Variants in HHAT observed in about 807,000 individuals in gnomAD.
HHAT encodes the protein hedgehog acyltransferase, also known as protein-cysteine N-palmitoyltransferase HHAT.
A neutral mutation model predicts 70.8 loss-of-function variants in HHAT; 47 were observed. That is an observed-to-expected ratio of 0.66 (90% CI 0.53 to 0.85). The LOEUF is 0.85. HHAT is among the 40% of genes least tolerant of loss of function. The probability of loss-of-function intolerance (pLI) is 0.00; values close to 1 mark genes in which losing one functional copy is unlikely to be tolerated. For synonymous variants in HHAT, 228 were observed against 247.6 expected (o/e 0.92, Z 0.74); for missense variants, 609 against 604.8 (o/e 1.01, Z -0.07).
chr1:210,488,761 T>C (rs1053513416), intron 8 of HHAT, among the ~76,000 whole-genome samples: 1 of 151,466 alleles, frequency 6.6e-6, no homozygotes, highest in African/African-American at 2.4e-5. Flanking sequence ...AGCTTGGTGG[T>C]ACACACCTGT....
intron 10 of HHAT, among the ~76,000 whole-genome samples, chr1:210,595,011 A>G (rs1029721846): frequency 5.9e-5 from 9 of 152,034 alleles, no homozygotes; most frequent in African/African-American, 9.7e-5. Flanking sequence ...CATGTGCACA[A>G]CGTGCAGGTT....
intron 11 of HHAT, among the ~76,000 whole-genome samples, chr1:210,635,879 G>T (rs542805224): frequency 2.8e-4 from 43 of 152,224 alleles, no homozygotes; most frequent in Admixed American, 7.8e-4. Flanking sequence ...CTTATTCCAC[G>T]TACTACCTGA....
intron 3 of HHAT, among the ~76,000 whole-genome samples, chr1:210,370,523 TAGAAG>T (rs2089468727): frequency 2.0e-5 from 3 of 151,108 alleles, no homozygotes; most frequent in South Asian, 2.1e-4. Flanking sequence ...AACTACTAGA[TAGAAG>T]AGAGAGAGAA....
intron 6 of HHAT, among the ~76,000 whole-genome samples, chr1:210,408,309 A>G (rs895081225): frequency 2.6e-5 from 4 of 152,074 alleles, no homozygotes; most frequent in Non-Finnish European, 4.4e-5. Flanking sequence ...CAGCCTCCCA[A>G]GTAGCTGGAA....
chr1:210,414,600 G>T (rs1238787207), intron 6 of HHAT, among the ~76,000 whole-genome samples: 1 of 152,156 alleles, frequency 6.6e-6, no homozygotes, highest in East Asian at 1.9e-4. Context: ...AAGTTCTGAT[G>T]CCAGGCATTT....
intron 11 of HHAT, among the ~76,000 whole-genome samples, chr1:210,631,702 C>A (rs560076965): frequency 6.6e-6 from 1 of 152,148 alleles, no homozygotes; most frequent in Non-Finnish European, 1.5e-5. Context: ...GTAAGGGCGG[C>A]GCTGGAAATG....
intron 2 of HHAT, among the ~76,000 whole-genome samples, chr1:210,349,652 C>CTTTTTT (rs34752131): frequency 7.4e-6 from 1 of 135,912 alleles, no homozygotes; most frequent in Non-Finnish European, 1.6e-5. Context: ...CTACCTAAAA[C>CTTTTTT]TTTTTTTTTT....
intron 9 of HHAT, among the ~76,000 whole-genome samples, chr1:210,525,983 G>C (rs964138702): frequency 2.0e-5 from 3 of 152,190 alleles, no homozygotes; most frequent in African/African-American, 7.2e-5. Context: ...GCCTTATGCG[G>C]TTGCTGCATC....
chr1:210,475,646 G>C (rs1041922078), intron 8 of HHAT, among the ~76,000 whole-genome samples: 2 of 152,156 alleles, frequency 1.3e-5, no homozygotes, highest in Non-Finnish European at 2.9e-5. Context: ...TGTCACAAGG[G>C]ATTGGTTTTT....
chr1:210,340,027 A>G (rs1220939478), intron 1 of HHAT, among the ~76,000 whole-genome samples: 11 of 151,982 alleles, frequency 7.2e-5, no homozygotes, highest in Non-Finnish European at 1.0e-4. Flanking sequence ...TGTGGGTTGA[A>G]GAATAAGTCT....
intron 9 of HHAT, among the ~76,000 whole-genome samples, chr1:210,556,015 A>AT (rs879945696): frequency 3.3e-5 from 5 of 151,346 alleles, no homozygotes; most frequent in South Asian, 2.1e-4. Flanking sequence ...TCCTTCCCCA[A>AT]TTTTTTTTTA....
chr1:210,361,072 C>CA lies in HHAT; in HGVS notation c.92-1772dup, dbSNP rs903097261. The stretch of plus-strand genomic sequence containing the variant: ...TTTGAATGAACTCTTAAAGAAGCAC[C>CA]AAAAAAAAGAGCTTAAGTTTTTGCT... On this transcript the variant is annotated intron_variant, in intron 2 of 11. Coordinates refer to ENST00000261458, the MANE Select transcript of HHAT (RefSeq NM_018194.6). Among the ~76,000 whole-genome samples, 383 of 150,398 alleles carry CA rather than the reference C, an allele frequency of 2.5e-3. 1 individual carries two copies. Among genetic ancestry groups the CA allele is most frequent in the African/African-American group, 8.8e-3 (363 of 41,086 alleles).
chr1:210,481,065 A>G (rs535349238), intron 8 of HHAT, among the ~76,000 whole-genome samples: 1 of 152,002 alleles, frequency 6.6e-6, no homozygotes, highest in South Asian at 2.1e-4. Context: ...CCTAATAAAT[A>G]AGCGAATGAT....
chr1:210,345,350 C>CA (rs921080499), intron 1 of HHAT, among the ~76,000 whole-genome samples: 84 of 151,730 alleles, frequency 5.5e-4, no homozygotes, highest in African/African-American at 1.9e-3. Context: ...AAATGCATGA[C>CA]AAAAAAAATG....
At chr1:210,329,451 C>T in intron 1 of HHAT, 1 of 1,058,848 alleles carries the variant, frequency 9.4e-7, no homozygotes, top group Non-Finnish European at 1.1e-6. Context: ...GGCGGTGCGC[C>T]TGCCTGCCTG....
chr1:210,580,655 C>CA (rs1463478672), intron 9 of HHAT, among the ~76,000 whole-genome samples: 2 of 152,098 alleles, frequency 1.3e-5, no homozygotes, highest in East Asian at 3.9e-4. Context: ...CATGTCCCTG[C>CA]AAAGGACATG....
At chr1:210,563,756 GC>G (rs2095644812) in intron 9 of HHAT, among the ~76,000 whole-genome samples, 1 of 152,154 alleles carries the variant, frequency 6.6e-6, no homozygotes, top group African/African-American at 2.4e-5. Context: ...TCTTCACCAT[GC>G]CAAGTTACTT....
chr1:210,563,032 C>A (rs573053328), intron 9 of HHAT, among the ~76,000 whole-genome samples: 173 of 152,248 alleles, frequency 1.1e-3, no homozygotes, highest in Non-Finnish European at 1.7e-3. Flanking sequence ...AACGGATAAA[C>A]TTGGCTCGGA....
chr1:210,626,203 G>A (rs1280732882), intron 11 of HHAT, among the ~76,000 whole-genome samples: 2 of 152,140 alleles, frequency 1.3e-5, no homozygotes, highest in Non-Finnish European at 2.9e-5. Flanking sequence ...TATTGAAGGG[G>A]GCAGAGAGAA....
Sources: allele counts gnomAD v4.1 joint callset (sites outside exome capture counted in the v4.1 genomes callset), GRCh38; gene constraint gnomAD v4.1.1; transcripts MANE v1.5; gene names NCBI Gene and HGNC (gene_info 2026-07-23, HGNC 2026-07-21).